TRPM3: variants seen among roughly 807,000 people sequenced by gnomAD.
TRPM3 encodes transient receptor potential cation channel subfamily M member 3.
In TRPM3, 77 loss-of-function variants were observed where a neutral mutation model predicts 181.2. That is an observed-to-expected ratio of 0.42 (90% CI 0.35 to 0.51). The LOEUF is 0.51. Among genes scored for constraint, TRPM3 ranks in the 20% least tolerant of loss-of-function variants. The probability of loss-of-function intolerance (pLI) is 0.01; values close to 1 mark genes in which losing one functional copy is unlikely to be tolerated. For missense variants in TRPM3, 1,759 were observed against 2,196.7 expected, an observed-to-expected ratio of 0.80 and a Z score of 3.98; for synonymous variants, 745 against 796.4, an observed-to-expected ratio of 0.94 and a Z score of 1.09.
At chr9:71,089,616 T>A (rs1236604146) in intron 1 of TRPM3, among the ~76,000 whole-genome samples, 1 of 151,932 alleles carries the variant, frequency 6.6e-6, no homozygotes, top group Admixed American at 6.6e-5. Flanking sequence ...GTGATAAATA[T>A]CACAGACATT....
chr9:70,878,089 G>C (rs1188846155), intron 1 of TRPM3, among the ~76,000 whole-genome samples: 2 of 151,856 alleles, frequency 1.3e-5, no homozygotes, highest in Non-Finnish European at 2.9e-5. Context: ...TCACATATTT[G>C]TGTGTATGTA....
intron 7 of TRPM3, among the ~76,000 whole-genome samples, chr9:70,762,200 C>A (rs1328100643): frequency 1.3e-5 from 2 of 152,102 alleles, no homozygotes; most frequent in African/African-American, 4.8e-5. Context: ...CATCCATAAG[C>A]AGAAATAGGA....
At chr9:70,605,260 T>C (rs569765844) in intron 19 of TRPM3, among the ~76,000 whole-genome samples, 1 of 152,226 alleles carries the variant, frequency 6.6e-6, no homozygotes, top group Admixed American at 6.5e-5. Context: ...CTCGCCTAAA[T>C]AGAGTCTTAA....
At chr9:70,673,595 C>T (rs1195916724) in intron 9 of TRPM3, among the ~76,000 whole-genome samples, 1 of 152,054 alleles carries the variant, frequency 6.6e-6, no homozygotes, top group Non-Finnish European at 1.5e-5. Flanking sequence ...TTGTAGATTG[C>T]TTTTGCACAA....
intron 1 of TRPM3, among the ~76,000 whole-genome samples, chr9:70,977,220 C>T (rs548485952): frequency 3.8e-4 from 58 of 152,196 alleles, no homozygotes; most frequent in Non-Finnish European, 5.9e-4. Flanking sequence ...CTGCCACCTC[C>T]GCCTCGCGGG....
chr9:70,823,588 C>A (rs141515529), intron 6 of TRPM3, among the ~76,000 whole-genome samples: 1 of 152,332 alleles, frequency 6.6e-6, no homozygotes, highest in African/African-American at 2.4e-5. Flanking sequence ...CACACAAGTG[C>A]ACTGATAGAT....
chr9:71,173,110 T>C (rs543946135), intron 1 of TRPM3, among the ~76,000 whole-genome samples: 4 of 152,220 alleles, frequency 2.6e-5, no homozygotes, highest in Non-Finnish European at 4.4e-5. Flanking sequence ...CTTATGTACC[T>C]AATTTTTTGT....
intron 1 of TRPM3, among the ~76,000 whole-genome samples, chr9:71,073,656 A>C (rs2063072494): frequency 6.6e-6 from 1 of 152,160 alleles, no homozygotes; most frequent in Admixed American, 6.6e-5. Flanking sequence ...AAAAAAACCC[A>C]ATTTATTTAG....
chr9:71,112,112 T>C (rs1356025087), intron 1 of TRPM3, among the ~76,000 whole-genome samples: 1 of 152,190 alleles, frequency 6.6e-6, no homozygotes, highest in African/African-American at 2.4e-5. Flanking sequence ...CTCTAGACAT[T>C]TTCCAAAGAC....
At chr9:71,387,387 G>C (rs2092950692) in intron 1 of TRPM3, among the ~76,000 whole-genome samples, 3 of 152,124 alleles carry the variant, frequency 2.0e-5, no homozygotes, top group Admixed American at 6.6e-5. Flanking sequence ...GAAGGACCTA[G>C]TGTTTATAGA....
chr9:70,589,030 G>A (rs754446842), intron 22 of TRPM3, among the ~76,000 whole-genome samples: 1 of 152,160 alleles, frequency 6.6e-6, no homozygotes, highest in African/African-American at 2.4e-5. Flanking sequence ...GTTGGGGAAG[G>A]GCATCACGAA....
chr9:70,544,535 G>A (rs2044347708), intron 25 of TRPM3, among the ~76,000 whole-genome samples: 1 of 152,132 alleles, frequency 6.6e-6, no homozygotes, highest in Admixed American at 6.5e-5. Context: ...ATGAGCTGAT[G>A]TCACGAAAGA....
intron 8 of TRPM3, among the ~76,000 whole-genome samples, chr9:70,738,146 A>T (rs951167610): frequency 1.3e-5 from 2 of 152,196 alleles, no homozygotes; most frequent in Non-Finnish European, 1.5e-5. Context: ...TCATAAATTT[A>T]AGAAAATTGA....
At chr9:71,119,073 A>G (rs1299207670) in intron 1 of TRPM3, among the ~76,000 whole-genome samples, 1 of 152,166 alleles carries the variant, frequency 6.6e-6, no homozygotes, top group Non-Finnish European at 1.5e-5. Flanking sequence ...GGACAATACA[A>G]TTGCTCATAT....
chr9:70,870,043 C>G (rs1589421122), intron 1 of TRPM3, among the ~76,000 whole-genome samples: 1 of 151,992 alleles, frequency 6.6e-6, no homozygotes, highest in East Asian at 1.9e-4. Flanking sequence ...TTCCCAAACA[C>G]AGAAATAAGT....
intron 6 of TRPM3, among the ~76,000 whole-genome samples, chr9:70,801,417 G>A (rs1173738431): frequency 6.6e-6 from 1 of 152,180 alleles, no homozygotes; most frequent in Non-Finnish European, 1.5e-5. Flanking sequence ...TGGAAATGAA[G>A]CTCCAGGGAA....
intron 1 of TRPM3, among the ~76,000 whole-genome samples, chr9:70,966,842 G>T (rs2097190391): frequency 1.3e-5 from 2 of 151,826 alleles, no homozygotes; most frequent in African/African-American, 2.4e-5. Context: ...CACATCAAAG[G>T]TTTACCATAT....
rs111820043 is a variant in TRPM3 at position 71,205,491 on chromosome 9, G to A, written c.183+241162C>T. On this transcript the variant is annotated intron_variant, in intron 1 of 24. Transcript: ENST00000357533. ...TAAGAAGGAATGGACCTTGGAGGGAGGGTTAAGGAGATGAAATGGCATCCA... is the reference window on the plus strand; with the variant it reads ...TAAGAAGGAATGGACCTTGGAGGGAAGGTTAAGGAGATGAAATGGCATCCA... 3.5e-3 allele frequency among the ~76,000 whole-genome samples: 529 copies of A among 152,210 alleles called. 2 individuals are homozygous for A. The highest frequency in any genetic ancestry group is 5.6e-3 in the Non-Finnish European group (379 of 68,018).
chr9:71,351,804 T>C (rs2091640498), intron 1 of TRPM3, among the ~76,000 whole-genome samples: 1 of 151,686 alleles, frequency 6.6e-6, no homozygotes, highest in Non-Finnish European at 1.5e-5. Context: ...ATAAAGGTTA[T>C]GGGAGGAGAG....
Sources: allele counts gnomAD v4.1 joint callset (sites outside exome capture counted in the v4.1 genomes callset), GRCh38; gene constraint gnomAD v4.1.1; transcripts MANE v1.5; gene names NCBI Gene and HGNC (gene_info 2026-07-23, HGNC 2026-07-21).